The following CCDC146 variants were observed in gnomAD, a reference collection of about 807,000 sequenced individuals.
CCDC146 encodes the protein coiled-coil domain containing 146.
CCDC146 carries 92 observed loss-of-function variants against 119.3 expected under a neutral mutation model. The ratio of observed to expected loss-of-function variants is 0.77; its 90% confidence interval spans 0.65 to 0.92. The LOEUF is 0.92. Among genes scored for constraint, CCDC146 ranks in the 40% least tolerant of loss-of-function variants. CCDC146 has a pLI of 0.00. For synonymous variants in CCDC146, 372 were observed against 371.8 expected, an observed-to-expected ratio of 1.00 and a Z score of -0.01; for missense variants, 1,000 against 1,103.0, an observed-to-expected ratio of 0.91 and a Z score of 1.32.
intron 1 of CCDC146, among the ~76,000 whole-genome samples, chr7:77,160,937 C>T (rs1184063481): frequency 2.0e-5 from 3 of 151,930 alleles, no homozygotes; most frequent in African/African-American, 7.3e-5. Context: ...AACAAATTTA[C>T]AAGAAAAAAA....
chr7:77,208,622 A>G (rs947331012), intron 2 of CCDC146, among the ~76,000 whole-genome samples: 1 of 152,228 alleles, frequency 6.6e-6, no homozygotes, highest in Non-Finnish European at 1.5e-5. Context: ...TGGGCAGAGA[A>G]GAGAGCTTCC....
At chr7:77,230,164 A>G (rs34449151) in intron 2 of CCDC146, among the ~76,000 whole-genome samples, 16,067 of 151,972 alleles carry the variant, frequency 0.11, 1,113 homozygotes, top group Non-Finnish European at 0.16. Context: ...CATCCTATGG[A>G]TATATATTTT....
At chr7:77,239,930 C>A (rs1399191025) in intron 3 of CCDC146, among the ~76,000 whole-genome samples, 1 of 152,212 alleles carries the variant, frequency 6.6e-6, no homozygotes, top group African/African-American at 2.4e-5. Context: ...TCTACCGTGA[C>A]CTTCAAGTCC....
chr7:77,152,235 T>G (rs956509113), intron 1 of CCDC146, among the ~76,000 whole-genome samples: 18 of 152,194 alleles, frequency 1.2e-4, no homozygotes, highest in Non-Finnish European at 1.8e-4. Context: ...ATTTATTTAT[T>G]TTTACTTTTA....
intron 15 of CCDC146, among the ~76,000 whole-genome samples, chr7:77,283,411 G>GA: frequency 6.6e-6 from 1 of 152,186 alleles, no homozygotes; most frequent in East Asian, 1.9e-4. Context: ...ATTCTTCATA[G>GA]AATTTTTTTA....
At chr7:77,155,279 G>T (rs2117453991) in intron 1 of CCDC146, among the ~76,000 whole-genome samples, 1 of 152,142 alleles carries the variant, frequency 6.6e-6, no homozygotes, top group East Asian at 1.9e-4. Context: ...CCGCTGTTTT[G>T]CTCAGCTCAG....
intron 2 of CCDC146, chr7:77,198,124 AAG>A: frequency 1.0e-6 from 1 of 985,164 alleles, no homozygotes; most frequent in Non-Finnish European, 1.2e-6. Context: ...GATGTCACCT[AAG>A]CGGTGAACCT....
intron 1 of CCDC146, among the ~76,000 whole-genome samples, chr7:77,148,467 T>C (rs1206324666): frequency 6.6e-6 from 1 of 152,022 alleles, no homozygotes; most frequent in East Asian, 1.9e-4. Flanking sequence ...GTACCTCAGT[T>C]GGAAATGCAG....
chr7:77,269,629 A>G (rs1793471769), intron 9 of CCDC146, among the ~76,000 whole-genome samples: 1 of 152,232 alleles, frequency 6.6e-6, no homozygotes, highest in African/African-American at 2.4e-5. Flanking sequence ...AGATTTTAAC[A>G]AATATTATAA....
rs1432713205 is a variant in CCDC146 at position 77,222,535 on chromosome 7, G to GGT, written c.157-14410_157-14409dup. Among the ~76,000 whole-genome samples the GGT allele has an allele frequency of 2.0e-5, 3 of 152,192 alleles. No individual in the cohort carries two copies. The East Asian group carries it at 5.8e-4, about 29-fold the overall frequency. Reference sequence around the variant, plus strand: ...TCAGCACATAAAAGGGGGCCTGAAAGGTGGGTGTCCACTACTTGGCAGCAT... The same window carrying GGT: ...TCAGCACATAAAAGGGGGCCTGAAAGGTGTGGGTGTCCACTACTTGGCAGCAT... On this transcript the variant is annotated intron_variant, in intron 2 of 18. Transcript: ENST00000285871.
At position 77,278,837 on chromosome 7, in the gene CCDC146, G is replaced by A. The variant is rs550276780; in HGVS notation, c.1526G>A (p.Arg509Gln). The change falls in exon 12 of 19, where the codon CGG becomes CAG. Residue 509 changes from arginine to glutamine, a missense_variant. Physicochemically the swap from Arg to Gln is conservative, Grantham distance 43. This residue lies in a region of CCDC146 where 985 missense variants were observed against 1,045.3 expected (regional missense o/e 0.94). Transcript: ENST00000285871. ...IHKKKKCEIY[R>Q]RLREFAKLYD... ...AAGAAGAAAAAATGTGAAATTTATCGGAGGTAAAGTAATTATGTGGTGTTT... is the reference window on the plus strand; with the variant it reads ...AAGAAGAAAAAATGTGAAATTTATCAGAGGTAAAGTAATTATGTGGTGTTT... 5.2e-5 allele frequency: 83 copies of A among 1,609,382 alleles called. No individual in the cohort carries two copies. In the South Asian group the frequency reaches 6.5e-4, roughly 13 times the overall value.
chr7:77,129,803 C>T (rs1790755815), intron 1 of CCDC146, among the ~76,000 whole-genome samples: 1 of 152,134 alleles, frequency 6.6e-6, no homozygotes, highest in Non-Finnish European at 1.5e-5. Context: ...TTACATCATA[C>T]TCTTCTTTAA....
chr7:77,170,607 C>CT (rs1384570874), intron 2 of CCDC146, among the ~76,000 whole-genome samples: 1 of 152,160 alleles, frequency 6.6e-6, no homozygotes, highest in Non-Finnish European at 1.5e-5. Flanking sequence ...GCAAAAGAAA[C>CT]TATCAACAGA....
intron 9 of CCDC146, among the ~76,000 whole-genome samples, chr7:77,273,315 G>A (rs1300973046): frequency 1.3e-5 from 2 of 152,134 alleles, no homozygotes; most frequent in East Asian, 3.9e-4. Context: ...TTAGCTATTA[G>A]TAAGATTTAT....
Position 77,280,577 on chromosome 7 carries a change from AC to A in CCDC146, c.1844del (p.Thr615ArgfsTer4), listed in dbSNP as rs1255764833. Reference protein sequence around the residue: ...QLNNIDRLANTITMIEEEMVQ... With the variant: ...QLNNIDRLANXITMIEEEMVQ... Reference sequence around the variant, plus strand: ...AAATAACATTGACAGACTTGCCAACACGATCACAATGATCGAAGAGGAGATG... The same window carrying A: ...AAATAACATTGACAGACTTGCCAACAGATCACAATGATCGAAGAGGAGATG... On this transcript the variant is annotated frameshift_variant, in exon 14 of 19. Coordinates refer to ENST00000285871, the MANE Select transcript of CCDC146 (RefSeq NM_020879.3). LOFTEE classifies it high-confidence loss of function. 2 of 1,614,172 alleles carry A rather than the reference AC, an allele frequency of 1.2e-6. No individual in the cohort carries two copies. Among genetic ancestry groups the A allele is most frequent in the Non-Finnish European group, 1.7e-6 (2 of 1,180,008 alleles).
intron 17 of CCDC146, among the ~76,000 whole-genome samples, chr7:77,289,942 C>T (rs148783322): frequency 0.078 from 11,800 of 152,248 alleles, 536 homozygotes; most frequent in South Asian, 0.19. Flanking sequence ...CACATGCACA[C>T]GTATGTTTAT....
chr7:77,255,651 C>A (rs920651496), intron 5 of CCDC146, among the ~76,000 whole-genome samples: 12 of 152,160 alleles, frequency 7.9e-5, no homozygotes, highest in Admixed American at 6.5e-4. Context: ...CCAGGGCAGG[C>A]TAAATAGACC....
At chr7:77,128,916 G>A (rs1456717857) in intron 1 of CCDC146, among the ~76,000 whole-genome samples, 1 of 151,996 alleles carries the variant, frequency 6.6e-6, no homozygotes, top group African/African-American at 2.4e-5. Flanking sequence ...ATAACAAAAG[G>A]GGCCCACAAA....
chr7:77,171,887 ACTT>A (rs1299862939), intron 2 of CCDC146, among the ~76,000 whole-genome samples: 3 of 152,228 alleles, frequency 2.0e-5, no homozygotes, highest in Admixed American at 6.5e-5. Context: ...ACTTAGGACA[ACTT>A]CTCATGCATG....
Sources: gnomAD v4.1 joint callset for allele counts (sites outside exome capture counted in the v4.1 genomes callset) on GRCh38, gnomAD v4.1.1 for gene constraint, gnomAD v4.1.1 regional missense constraint, MANE v1.5 for transcripts, NCBI Gene and HGNC (gene_info 2026-07-23, HGNC 2026-07-21) for gene names.